APP: variants seen among roughly 807,000 people sequenced by gnomAD.
APP encodes amyloid beta precursor protein, also known as amyloid-beta precursor protein.
Under a neutral mutation model 101.4 loss-of-function variants are expected in APP, and 31 were observed. The ratio of observed to expected loss-of-function variants is 0.31; its 90% CI spans 0.23 to 0.41. The LOEUF is 0.41. APP is among the 10% of genes least tolerant of loss of function. The pLI is 1.00. For missense variants in APP, 839 were observed against 1,003.7 expected (o/e 0.84, Z 2.22); for synonymous variants, 366 against 364.4 (o/e 1.00, Z -0.05).
intron 5 of APP, among the ~76,000 whole-genome samples, chr21:26,050,288 C>T (rs780913250): frequency 3.9e-5 from 6 of 152,106 alleles, no homozygotes; most frequent in Non-Finnish European, 8.8e-5. Context: ...CATCACCCTT[C>T]GGGGGATGAG....
intron 1 of APP, among the ~76,000 whole-genome samples, chr21:26,146,089 C>T (rs28717708): frequency 0.15 from 22,460 of 152,230 alleles, 1,858 homozygotes; most frequent in Admixed American, 0.23. Context: ...CTGCATGCAG[C>T]GGCTCATGCC....
At chr21:25,979,305 T>A (rs2042337328) in intron 9 of APP, among the ~76,000 whole-genome samples, 1 of 152,250 alleles carries the variant, frequency 6.6e-6, no homozygotes, top group African/African-American at 2.4e-5. Context: ...TCTCAGGACC[T>A]GGCCCTTGCA....
intron 6 of APP, among the ~76,000 whole-genome samples, chr21:26,010,820 CAA>C (rs58036272): frequency 0.032 from 1,739 of 54,678 alleles, 19 homozygotes; most frequent in African/African-American, 0.12. Context: ...GACTTCGTCT[CAA>C]AAAAAAAAAA....
intron 1 of APP, among the ~76,000 whole-genome samples, chr21:26,128,511 T>C (rs1254311355): frequency 6.6e-6 from 1 of 152,240 alleles, no homozygotes; most frequent in Non-Finnish European, 1.5e-5. Context: ...AGTTATTAAA[T>C]ATATCACTAG....
At chr21:25,991,803 CAAAGCCTAAAATATCTAT>C (rs1372553360) in intron 8 of APP, among the ~76,000 whole-genome samples, 6 of 152,224 alleles carry the variant, frequency 3.9e-5, no homozygotes, top group Non-Finnish European at 7.3e-5. Flanking sequence ...GCATGATCTA[CAAAGCCTAAAATATCTAT>C]AATCTGGCCT....
chr21:26,032,658 T>C (rs1328513030), intron 5 of APP, among the ~76,000 whole-genome samples: 2 of 152,216 alleles, frequency 1.3e-5, no homozygotes, highest in Non-Finnish European at 2.9e-5. Flanking sequence ...ACTGTGCCTA[T>C]TTACTGTTTT....
intron 8 of APP, among the ~76,000 whole-genome samples, chr21:25,985,831 A>C (rs1189708971): frequency 6.6e-6 from 1 of 152,122 alleles, no homozygotes; most frequent in Non-Finnish European, 1.5e-5. Flanking sequence ...CCATTCATAC[A>C]AACTCCCCAT....
rs542590217 is a variant in APP at position 25,929,878 on chromosome 21, A to T, written c.1688-17916T>A. On this transcript the variant is annotated intron_variant, in intron 13 of 17. Coordinates refer to ENST00000346798, the MANE Select transcript of APP (RefSeq NM_000484.4). Reference sequence around the variant, plus strand: ...GTGCTGGTTTTGGGGTTTTCTGGAGATCAATCCACAGTGTCCCATTTTTTC... The same window carrying T: ...GTGCTGGTTTTGGGGTTTTCTGGAGTTCAATCCACAGTGTCCCATTTTTTC... Among the ~76,000 whole-genome samples the T allele has an allele frequency of 2.6e-5, 4 of 152,278 alleles. No individual in the cohort carries two copies. The East Asian group carries it at 7.7e-4, about 29-fold the overall frequency.
chr21:25,983,442 G>A (rs938452794), intron 8 of APP, among the ~76,000 whole-genome samples: 1 of 152,138 alleles, frequency 6.6e-6, no homozygotes, highest in Admixed American at 6.5e-5. Flanking sequence ...TATTACCTGT[G>A]TATTACATTT....
At position 25,911,616 on chromosome 21, in the gene APP, A is replaced by T. The variant is rs189754756; in HGVS notation, c.1909+125T>A. Reference sequence around the variant, plus strand: ...AAGTAAAATTATAATGAAAATATTTATGACTACATCAAAAAAAATTCACCA... The same window carrying T: ...AAGTAAAATTATAATGAAAATATTTTTGACTACATCAAAAAAAATTCACCA... On this transcript the variant is annotated intron_variant, in intron 14 of 17. Transcript: ENST00000346798. 362 of 775,600 alleles carry T rather than the reference A, an allele frequency of 4.7e-4. 1 individual carries two copies. The African/African-American group carries it at 5.3e-3, about 11-fold the overall frequency. 48.0% of individuals were successfully genotyped at this position (775,600 alleles called of 1,614,324 possible).
intron 3 of APP, among the ~76,000 whole-genome samples, chr21:26,088,677 T>C (rs2061754341): frequency 6.6e-6 from 1 of 152,212 alleles, no homozygotes; most frequent in Admixed American, 6.5e-5. Context: ...GAGTAGGAGT[T>C]CTGTATCTAG....
intron 3 of APP, among the ~76,000 whole-genome samples, chr21:26,089,271 G>A (rs1034695973): frequency 2.2e-4 from 33 of 152,152 alleles, no homozygotes; most frequent in African/African-American, 7.7e-4. Flanking sequence ...AACCAAGTTA[G>A]ATTAAATATG....
intron 1 of APP, among the ~76,000 whole-genome samples, chr21:26,130,785 T>A (rs1375026611): frequency 6.6e-6 from 1 of 152,240 alleles, no homozygotes; most frequent in Admixed American, 6.5e-5. Flanking sequence ...TAGCAATTTA[T>A]ATTTTTAGTA....
intron 1 of APP, among the ~76,000 whole-genome samples, chr21:26,129,628 C>T (rs553209398): frequency 1.1e-3 from 171 of 152,050 alleles, no homozygotes; most frequent in Non-Finnish European, 1.9e-3. Flanking sequence ...TCCCTGGATT[C>T]CTAAATTGCA....
intron 2 of APP, among the ~76,000 whole-genome samples, chr21:26,099,282 C>T (rs1400443989): frequency 2.0e-5 from 3 of 151,956 alleles, no homozygotes; most frequent in Non-Finnish European, 4.4e-5. Flanking sequence ...TCAGAGATAG[C>T]CTATCTTGTA....
chr21:26,119,171 C>G (rs2062506807), intron 1 of APP, among the ~76,000 whole-genome samples: 1 of 152,146 alleles, frequency 6.6e-6, no homozygotes, highest in Non-Finnish European at 1.5e-5. Flanking sequence ...TGCTTTTTGA[C>G]AGAACAAGCC....
intron 2 of APP, among the ~76,000 whole-genome samples, chr21:26,108,872 A>C (rs145768241): frequency 2.6e-5 from 4 of 152,304 alleles, no homozygotes; most frequent in Admixed American, 6.5e-5. Flanking sequence ...CCACAAGAGC[A>C]AGACTCTGTC....
chr21:26,050,764 T>C (rs747597919), intron 5 of APP, among the ~76,000 whole-genome samples: 8 of 152,172 alleles, frequency 5.3e-5, no homozygotes, highest in Non-Finnish European at 1.0e-4. Context: ...CAGTGGGATT[T>C]TGATCCCAAG....
chr21:26,163,641 A>ACTTCTTGT lies in APP; in HGVS notation c.57+6915_57+6922dup, dbSNP rs1349454432. 5.3e-5 allele frequency among the ~76,000 whole-genome samples: 8 copies of ACTTCTTGT among 152,216 alleles called. No homozygotes were observed. The South Asian group carries it at 6.2e-4, about 12-fold the overall frequency. Reference sequence around the variant, plus strand: ...ATTACACATCCTCGTATGTGAACCCACTTCTTGTCTTCTTGTCTTTAGTTG... The same window carrying ACTTCTTGT: ...ATTACACATCCTCGTATGTGAACCCACTTCTTGTCTTCTTGTCTTCTTGTCTTTAGTTG... On this transcript the variant is annotated intron_variant, in intron 1 of 17. Transcript: ENST00000346798.
Sources: gnomAD v4.1 joint callset for allele counts (sites outside exome capture counted in the v4.1 genomes callset) on GRCh38, gnomAD v4.1.1 for gene constraint, MANE v1.5 for transcripts, NCBI Gene and HGNC (gene_info 2026-07-23, HGNC 2026-07-21) for gene names.